The following FRMD4A variants were observed in gnomAD, a reference collection of about 807,000 sequenced individuals.
FRMD4A encodes the protein FERM domain-containing protein 4A.
A neutral mutation model predicts 129.1 loss-of-function variants in FRMD4A; 29 were observed. The observed-to-expected ratio is 0.22, with a 90% CI of 0.17 to 0.31. FRMD4A has a LOEUF of 0.31. FRMD4A is among the 10% of genes least tolerant of loss of function. FRMD4A has a pLI of 1.00. For synonymous variants in FRMD4A, 634 were observed against 571.6 expected, an observed-to-expected ratio of 1.11 and a Z score of -1.56; for missense variants, 1,272 against 1,375.8, an observed-to-expected ratio of 0.92 and a Z score of 1.19.
chr10:14,323,090 A>C (rs1366771071), intron 2 of FRMD4A, among the ~76,000 whole-genome samples: 1 of 152,226 alleles, frequency 6.6e-6, no homozygotes, highest in African/African-American at 2.4e-5. Flanking sequence ...ACATGGCCAC[A>C]GGAACATCTG....
intron 3 of FRMD4A, among the ~76,000 whole-genome samples, chr10:13,829,366 A>G (rs2093754384): frequency 6.6e-6 from 1 of 152,044 alleles, no homozygotes; most frequent in Non-Finnish European, 1.5e-5. Flanking sequence ...CTCCACAAAA[A>G]ATAAAAAAAT....
intron 2 of FRMD4A, among the ~76,000 whole-genome samples, chr10:13,961,620 A>G (rs1231798331): frequency 6.6e-6 from 1 of 152,108 alleles, no homozygotes; most frequent in African/African-American, 2.4e-5. Context: ...GTTAATTCCT[A>G]CTTATCTTTA....
intron 4 of FRMD4A, among the ~76,000 whole-genome samples, chr10:13,809,527 T>C (rs1588847748): frequency 6.9e-6 from 1 of 145,978 alleles, no homozygotes; most frequent in South Asian, 2.2e-4. Context: ...TTTAAAAAAA[T>C]TGCAGTGCTG....
chr10:14,102,910 A>G (rs1045333502), intron 2 of FRMD4A, among the ~76,000 whole-genome samples: 3 of 152,184 alleles, frequency 2.0e-5, no homozygotes, highest in Non-Finnish European at 4.4e-5. Context: ...GCTCTCAGTT[A>G]TATCTGGCAC....
chr10:14,131,586 T>C (rs1403892258), intron 2 of FRMD4A, among the ~76,000 whole-genome samples: 1 of 152,128 alleles, frequency 6.6e-6, no homozygotes, highest in African/African-American at 2.4e-5. Context: ...CTGCCCCAAC[T>C]CCCATGACAA....
At chr10:14,060,017 C>T (rs1357100598) in intron 2 of FRMD4A, among the ~76,000 whole-genome samples, 6 of 152,208 alleles carry the variant, frequency 3.9e-5, no homozygotes, top group Non-Finnish European at 5.9e-5. Context: ...GAGAAGGATT[C>T]TAACTCATGC....
rs533944567 is a variant in FRMD4A, at chr10:13,685,903, CAG to C, written c.1117+7993_1117+7994del. Among the ~76,000 whole-genome samples, 359 of 152,322 alleles carry C rather than the reference CAG, an allele frequency of 2.4e-3. 4 individuals are homozygous for C. The highest frequency in any genetic ancestry group is 8.2e-3 in the African/African-American group (340 of 41,564). On this transcript the variant is annotated intron_variant, in intron 15 of 24. Coordinates refer to ENST00000357447, the MANE Select transcript of FRMD4A (RefSeq NM_018027.5). The stretch of plus-strand genomic sequence containing the variant: ...AAATGCTCCTTTATTAGTAACACCT[CAG>C]GGGATAAATATAGCTGTGTAAATGA...
chr10:14,285,849 A>G (rs1845664683), intron 2 of FRMD4A, among the ~76,000 whole-genome samples: 1 of 152,180 alleles, frequency 6.6e-6, no homozygotes, highest in Admixed American at 6.5e-5. Flanking sequence ...CACGTTCTCA[A>G]TTTGTCTCAA....
At chr10:14,137,434 T>G (rs1446713073) in intron 2 of FRMD4A, among the ~76,000 whole-genome samples, 1 of 152,222 alleles carries the variant, frequency 6.6e-6, no homozygotes, top group East Asian at 1.9e-4. Context: ...GTTGATTTGG[T>G]GTCTTCCTCT....
intron 2 of FRMD4A, among the ~76,000 whole-genome samples, chr10:13,925,611 T>G (rs2095124681): frequency 1.8e-5 from 2 of 113,808 alleles, no homozygotes; most frequent in African/African-American, 7.0e-5. Context: ...TGAGATGGAG[T>G]CTCACTCCGT....
rs530906117 is a variant in FRMD4A, at chr10:14,288,163, T to A, written c.45+41895A>T. On this transcript the variant is annotated intron_variant, in intron 2 of 24. Coordinates refer to ENST00000357447, the MANE Select transcript of FRMD4A (RefSeq NM_018027.5). The stretch of plus-strand genomic sequence containing the variant: ...TTTCTTCAAGAAATACAAGTATGAC[T>A]TGCAGAGTTTAATCAGGTTAGTTAG... Among the ~76,000 whole-genome samples, 6 of 152,262 alleles carry A rather than the reference T, an allele frequency of 3.9e-5. No homozygotes were observed. In the East Asian group the frequency reaches 1.2e-3, roughly 29 times the overall value.
At chr10:13,866,872 T>A (rs1165040332) in intron 2 of FRMD4A, among the ~76,000 whole-genome samples, 1 of 152,082 alleles carries the variant, frequency 6.6e-6, no homozygotes, top group African/African-American at 2.4e-5. Flanking sequence ...CACTTGAACC[T>A]GGGAGGCGGA....
At chr10:14,120,632 G>A (rs1564311304) in intron 2 of FRMD4A, among the ~76,000 whole-genome samples, 2 of 152,162 alleles carry the variant, frequency 1.3e-5, no homozygotes, top group Admixed American at 1.3e-4. Flanking sequence ...CCTTCTTCCT[G>A]AGCATGCATT....
intron 2 of FRMD4A, among the ~76,000 whole-genome samples, chr10:14,320,854 C>G (rs892287048): frequency 6.6e-6 from 1 of 152,162 alleles, no homozygotes; most frequent in African/African-American, 2.4e-5. Context: ...CACCCCGGGG[C>G]CATGGCCCAG....
chr10:13,977,633 C>G (rs2095546554), intron 2 of FRMD4A, among the ~76,000 whole-genome samples: 1 of 152,182 alleles, frequency 6.6e-6, no homozygotes, highest in Admixed American at 6.5e-5. Flanking sequence ...AAAAGAAAAC[C>G]ACACCCATTA....
At chr10:13,961,286 C>A (rs2131359915) in intron 2 of FRMD4A, among the ~76,000 whole-genome samples, 1 of 152,316 alleles carries the variant, frequency 6.6e-6, no homozygotes, top group Non-Finnish European at 1.5e-5. Context: ...GCAGGACAAT[C>A]ATTCACTGGA....
In FRMD4A at chr10:13,914,859, TA is replaced by T. The variant is rs1032302606; in HGVS notation, c.46-55948del. Among the ~76,000 whole-genome samples the T allele has an allele frequency of 4.6e-5, 7 of 151,530 alleles. No homozygotes were observed. In the South Asian group the frequency reaches 1.3e-3, roughly 27 times the overall value. ...AGTGAGACCCCATCTCTACAAAAAA[TA>T]AAAAAAATTTGCGCATGGCAGCGTG... On this transcript the variant is annotated intron_variant, in intron 2 of 24. Coordinates refer to ENST00000357447, the MANE Select transcript of FRMD4A (RefSeq NM_018027.5).
intron 4 of FRMD4A, among the ~76,000 whole-genome samples, chr10:13,799,756 A>C (rs77225698): frequency 0.012 from 1,873 of 152,222 alleles, 96 homozygotes; most frequent in East Asian, 0.12. Context: ...GGCTGAGTTC[A>C]AGTCTTACTT....
At chr10:14,195,638 G>T (rs1044646042) in intron 2 of FRMD4A, among the ~76,000 whole-genome samples, 8 of 152,180 alleles carry the variant, frequency 5.3e-5, no homozygotes, top group African/African-American at 1.9e-4. Flanking sequence ...CCGTTGCAGG[G>T]GGAATCAAGC....
Sources: allele counts gnomAD v4.1 joint callset (sites outside exome capture counted in the v4.1 genomes callset), GRCh38; gene constraint gnomAD v4.1.1; transcripts MANE v1.5; gene names NCBI Gene and HGNC (gene_info 2026-07-23, HGNC 2026-07-21).